GPC6: variants seen among roughly 807,000 people sequenced by gnomAD.
The protein encoded by GPC6 is glypican-6.
In GPC6, 14 loss-of-function variants were observed where a neutral mutation model predicts 55.2. That is an observed-to-expected ratio of 0.25 (90% CI 0.17 to 0.40). The LOEUF is 0.40. GPC6 is among the 10% of genes least tolerant of loss of function. The probability of loss-of-function intolerance (pLI) is 1.00; values close to 1 mark genes in which losing one functional copy is unlikely to be tolerated. For missense variants in GPC6, 641 were observed against 708.5 expected, an observed-to-expected ratio of 0.90 and a Z score of 1.08; for synonymous variants, 278 against 259.6, an observed-to-expected ratio of 1.07 and a Z score of -0.68.
intron 3 of GPC6, among the ~76,000 whole-genome samples, chr13:94,026,287 G>A (rs1249135808): frequency 1.3e-5 from 2 of 152,050 alleles, no homozygotes; most frequent in East Asian, 1.9e-4. Flanking sequence ...TTGATCCTAG[G>A]TAAGGGATAG....
chr13:94,318,761 A>G (rs1334503711), intron 6 of GPC6, among the ~76,000 whole-genome samples: 1 of 152,194 alleles, frequency 6.6e-6, no homozygotes, highest in Non-Finnish European at 1.5e-5. Flanking sequence ...ATGTTTATGG[A>G]TGATGTATAT....
In GPC6 at chr13:93,338,789, T is replaced by C. The variant is rs1033319019; in HGVS notation, c.160+111173T>C. Among the ~76,000 whole-genome samples, 104 of 152,188 alleles carry C rather than the reference T, an allele frequency of 6.8e-4. 3 individuals are homozygous for C. The highest frequency in any genetic ancestry group is 3.9e-4 in the Admixed American group (6 of 15,286). ...TACATTCCCCATTAGGAATTAGATATCATCCAATATTTTACTATATCAATA... is the reference window on the plus strand; with the variant it reads ...TACATTCCCCATTAGGAATTAGATACCATCCAATATTTTACTATATCAATA... On this transcript the variant is annotated intron_variant, in intron 1 of 8. Coordinates refer to ENST00000377047, the MANE Select transcript of GPC6 (RefSeq NM_005708.5).
intron 1 of GPC6, among the ~76,000 whole-genome samples, chr13:93,433,506 G>A (rs1382354088): frequency 4.6e-5 from 7 of 152,210 alleles, no homozygotes; most frequent in African/African-American, 1.7e-4. Flanking sequence ...CAATTTACCT[G>A]TCTTTTCTGA....
chr13:93,415,851 G>A (rs565298767), intron 1 of GPC6, among the ~76,000 whole-genome samples: 12 of 152,014 alleles, frequency 7.9e-5, no homozygotes, highest in African/African-American at 1.4e-4. Flanking sequence ...TTTTATTGAC[G>A]TGTTAGAAAT....
chr13:93,580,689 T>C (rs1202717901), intron 2 of GPC6, among the ~76,000 whole-genome samples: 1 of 152,192 alleles, frequency 6.6e-6, no homozygotes, highest in African/African-American at 2.4e-5. Context: ...CTTGGTTAGA[T>C]AGCATTATCT....
At chr13:93,324,544 GTA>G (rs138069348) in intron 1 of GPC6, among the ~76,000 whole-genome samples, 25,082 of 132,852 alleles carry the variant, frequency 0.19, 2,534 homozygotes, top group East Asian at 0.45. Flanking sequence ...ATGTATGTGT[GTA>G]TATATATATA....
chr13:93,295,216 G>C (rs1878447370), intron 1 of GPC6, among the ~76,000 whole-genome samples: 1 of 140,018 alleles, frequency 7.1e-6, no homozygotes, highest in African/African-American at 2.7e-5. Context: ...CCTGAGTCAA[G>C]AGAGGTTGAG....
chr13:94,062,883 C>T (rs1158324550), intron 4 of GPC6, among the ~76,000 whole-genome samples: 1 of 152,168 alleles, frequency 6.6e-6, no homozygotes, highest in East Asian at 1.9e-4. Flanking sequence ...AAATCTTTAA[C>T]CGGATGAATA....
chr13:93,719,360 T>A (rs556941060), intron 2 of GPC6, among the ~76,000 whole-genome samples: 2 of 152,178 alleles, frequency 1.3e-5, no homozygotes, highest in African/African-American at 4.8e-5. Context: ...GAATGGGAGT[T>A]CACTCATGAT....
intron 1 of GPC6, among the ~76,000 whole-genome samples, chr13:93,279,964 C>T (rs370914959): frequency 4.6e-5 from 7 of 152,172 alleles, no homozygotes; most frequent in Non-Finnish European, 8.8e-5. Context: ...GTTAAATGTA[C>T]GAACATAGTG....
chr13:93,525,011 C>T (rs1409567252), intron 1 of GPC6, among the ~76,000 whole-genome samples: 4 of 151,998 alleles, frequency 2.6e-5, no homozygotes, highest in South Asian at 2.1e-4. Context: ...TAGTAAAATC[C>T]GTATTTGGTC....
At chr13:93,458,995 C>T (rs898728420) in intron 1 of GPC6, among the ~76,000 whole-genome samples, 2 of 151,928 alleles carry the variant, frequency 1.3e-5, no homozygotes, top group African/African-American at 2.4e-5. Flanking sequence ...CTGATAATAC[C>T]GTAATGGAGA....
At chr13:93,272,739 G>A (rs970512578) in intron 1 of GPC6, among the ~76,000 whole-genome samples, 2 of 151,970 alleles carry the variant, frequency 1.3e-5, no homozygotes, top group Non-Finnish European at 2.9e-5. Context: ...TTTATCACTG[G>A]CAATAGCTGA....
At chr13:94,196,687 A>C (rs1052333309) in intron 4 of GPC6, among the ~76,000 whole-genome samples, 2 of 152,142 alleles carry the variant, frequency 1.3e-5, no homozygotes, top group African/African-American at 4.8e-5. Context: ...TGCTTGTCAA[A>C]ACCACTTGGT....
chr13:94,130,491 A>C (rs1012696162), intron 4 of GPC6, among the ~76,000 whole-genome samples: 1 of 152,158 alleles, frequency 6.6e-6, no homozygotes, highest in African/African-American at 2.4e-5. Flanking sequence ...AAATGCAAAA[A>C]CCCAGCCTAA....
chr13:93,258,027 T>C (rs1216796522), intron 1 of GPC6, among the ~76,000 whole-genome samples: 1 of 152,158 alleles, frequency 6.6e-6, no homozygotes, highest in Non-Finnish European at 1.5e-5. Flanking sequence ...ATTTTAGTCA[T>C]TATGGGTAAA....
At chr13:93,392,862 A>G (rs1034677269) in intron 1 of GPC6, among the ~76,000 whole-genome samples, 6 of 152,096 alleles carry the variant, frequency 3.9e-5, no homozygotes, top group African/African-American at 1.4e-4. Flanking sequence ...CTTTGGGAAG[A>G]TATGTGTGAT....
chr13:94,369,148 A>G (rs185187316), intron 6 of GPC6, among the ~76,000 whole-genome samples: 149 of 152,294 alleles, frequency 9.8e-4, no homozygotes, highest in African/African-American at 3.4e-3. Flanking sequence ...AAGATATGGT[A>G]TATATTATTT....
chr13:93,639,911 G>A (rs954342016), intron 2 of GPC6, among the ~76,000 whole-genome samples: 1 of 152,030 alleles, frequency 6.6e-6, no homozygotes, highest in African/African-American at 2.4e-5. Flanking sequence ...AATTAACAAT[G>A]TCTGTAGCTT....
Sources: gnomAD v4.1 joint callset for allele counts (sites outside exome capture counted in the v4.1 genomes callset) on GRCh38, gnomAD v4.1.1 for gene constraint, MANE v1.5 for transcripts, NCBI Gene and HGNC (gene_info 2026-07-23, HGNC 2026-07-21) for gene names.